The following NTNG1 variants were observed in gnomAD, a reference collection of about 807,000 sequenced individuals.
NTNG1 encodes netrin G1.
In NTNG1, 16 loss-of-function variants were observed where a neutral mutation model predicts 54.0. The observed-to-expected ratio is 0.30, with a 90% confidence interval of 0.20 to 0.45. The LOEUF is 0.45. Among genes scored for constraint, NTNG1 ranks in the 20% least tolerant of loss-of-function variants. The probability of loss-of-function intolerance (pLI) is 1.00; values close to 1 mark genes in which losing one functional copy is unlikely to be tolerated. For synonymous variants in NTNG1, 255 were observed against 263.1 expected, an observed-to-expected ratio of 0.97 and a Z score of 0.30; for missense variants, 530 against 678.7, an observed-to-expected ratio of 0.78 and a Z score of 2.43.
At chr1:107,447,168 T>G (rs927906177) in intron 7 of NTNG1, among the ~76,000 whole-genome samples, 1 of 152,134 alleles carries the variant, frequency 6.6e-6, no homozygotes, top group Non-Finnish European at 1.5e-5. Context: ...TTGATTTTAT[T>G]TTTAAGACAT....
chr1:107,280,711 A>G (rs1431050291), intron 2 of NTNG1, among the ~76,000 whole-genome samples: 21 of 151,642 alleles, frequency 1.4e-4, no homozygotes, highest in Admixed American at 1.4e-3. Context: ...CCCACCTGGC[A>G]GGGAAACCTG....
At chr1:107,168,651 G>T (rs1468485925) in intron 2 of NTNG1, among the ~76,000 whole-genome samples, 1 of 151,962 alleles carries the variant, frequency 6.6e-6, no homozygotes, top group Non-Finnish European at 1.5e-5. Flanking sequence ...ATAAACATAG[G>T]AATAAGCACA....
intron 2 of NTNG1, among the ~76,000 whole-genome samples, chr1:107,152,667 C>T (rs1654668677): frequency 6.6e-6 from 1 of 152,074 alleles, no homozygotes; most frequent in African/African-American, 2.4e-5. Flanking sequence ...ATTTCAGAGC[C>T]AATCAAAACT....
chr1:107,451,403 T>G (rs1676619941), intron 7 of NTNG1, among the ~76,000 whole-genome samples: 1 of 152,078 alleles, frequency 6.6e-6, no homozygotes, highest in African/African-American at 2.4e-5. Flanking sequence ...GATGAGTTAA[T>G]ACTTCTGCAG....
At position 107,401,610 on chromosome 1, in the gene NTNG1, C is replaced by T. The variant is rs6693425; in HGVS notation, c.1061-6072C>T. Among the ~76,000 whole-genome samples the T allele has an allele frequency of 1.6e-3, 243 of 151,854 alleles. 1 individual carries two copies. Among genetic ancestry groups the T allele is most frequent in the African/African-American group, 5.6e-3 (232 of 41,412 alleles). The stretch of plus-strand genomic sequence containing the variant: ...TAATACCCTCACACAAGTTTCAGTA[C>T]AGTTTTGCCACCAAGTTAATTCAGA... On this transcript the variant is annotated intron_variant, in intron 4 of 7. Coordinates refer to ENST00000370068, the MANE Select transcript of NTNG1 (RefSeq NM_001113226.3).
chr1:107,232,983 G>A (rs972917249), intron 2 of NTNG1, among the ~76,000 whole-genome samples: 2 of 152,140 alleles, frequency 1.3e-5, no homozygotes, highest in African/African-American at 4.8e-5. Flanking sequence ...CCATTTTATG[G>A]ATAATAATGT....
Position 107,345,110 on chromosome 1 carries a change from C to T in NTNG1, c.887+20188C>T, listed in dbSNP as rs140846805. On this transcript the variant is annotated intron_variant, in intron 3 of 7. Coordinates refer to ENST00000370068, the MANE Select transcript of NTNG1 (RefSeq NM_001113226.3). ...TAATTCCAAGAGAGACTAGGGATCA[C>T]GTCGTCTTGTAGGTCTGACCATGAA... Among the ~76,000 whole-genome samples the T allele has an allele frequency of 9.3e-4, 142 of 152,234 alleles. No homozygotes were observed. The South Asian group carries it at 0.017, about 18-fold the overall frequency.
chr1:107,322,823 C>T (rs992936809), intron 2 of NTNG1, among the ~76,000 whole-genome samples: 6 of 151,998 alleles, frequency 3.9e-5, no homozygotes, highest in Non-Finnish European at 7.4e-5. Context: ...AATAATGTAC[C>T]TTCTCTTCTT....
rs1480025513 is a variant in NTNG1 at position 107,204,115 on chromosome 1, G to A, written c.246+55276G>A. 3.3e-5 allele frequency among the ~76,000 whole-genome samples: 5 copies of A among 151,788 alleles called. No homozygotes were observed. In the East Asian group the frequency reaches 9.7e-4, roughly 29 times the overall value. On this transcript the variant is annotated intron_variant, in intron 2 of 7. Transcript: ENST00000370068. ...GTTTTTATACTGAAGTTGTTACCAA[G>A]ATGTTTCTGTTTTGTTTTGTTTTGT... is the stretch of plus-strand genomic sequence containing the variant.
chr1:107,162,707 A>T (rs776306483), intron 2 of NTNG1, among the ~76,000 whole-genome samples: 6 of 152,172 alleles, frequency 3.9e-5, no homozygotes, highest in Admixed American at 6.5e-5. Context: ...GAATTAAAAG[A>T]TATACTCTGA....
At chr1:107,327,357 T>G (rs1368202700) in intron 3 of NTNG1, among the ~76,000 whole-genome samples, 1 of 152,102 alleles carries the variant, frequency 6.6e-6, no homozygotes, top group African/African-American at 2.4e-5. Flanking sequence ...ATGGAGCCAG[T>G]GAAAGGAAAT....
At chr1:107,384,022 G>C (rs1457890147) in intron 3 of NTNG1, among the ~76,000 whole-genome samples, 1 of 152,182 alleles carries the variant, frequency 6.6e-6, no homozygotes, top group Non-Finnish European at 1.5e-5. Context: ...AATCTGGATT[G>C]TAGTAATTAT....
chr1:107,211,021 G>A (rs528067632), intron 2 of NTNG1, among the ~76,000 whole-genome samples: 7 of 152,226 alleles, frequency 4.6e-5, no homozygotes, highest in Middle Eastern at 3.4e-3. Context: ...TGTCGTCTCT[G>A]AACGTGCACT....
In NTNG1 at chr1:107,316,188, C is replaced by T. The variant is rs1045008626; in HGVS notation, c.247-8094C>T. 5.3e-5 allele frequency among the ~76,000 whole-genome samples: 8 copies of T among 152,280 alleles called. No individual in the cohort carries two copies. The East Asian group carries it at 1.5e-3, about 29-fold the overall frequency. ...AGGTGATTCCAATGCACACCAGATGCTGTTATCATGAGAATAAAATATATT... is the reference window on the plus strand; with the variant it reads ...AGGTGATTCCAATGCACACCAGATGTTGTTATCATGAGAATAAAATATATT... On this transcript the variant is annotated intron_variant, in intron 2 of 7. Transcript: ENST00000370068.
At chr1:107,156,247 ATGC>A (rs1171800685) in intron 2 of NTNG1, among the ~76,000 whole-genome samples, 1 of 152,230 alleles carries the variant, frequency 6.6e-6, no homozygotes, top group African/African-American at 2.4e-5. Flanking sequence ...TGGGCAGCTT[ATGC>A]TGCTCTCAGA....
intron 7 of NTNG1, among the ~76,000 whole-genome samples, chr1:107,477,967 GA>G (rs1678439602): frequency 6.6e-6 from 1 of 152,202 alleles, no homozygotes; most frequent in Non-Finnish European, 1.5e-5. Flanking sequence ...CATAAGAGCA[GA>G]AATCATCCTT....
At chr1:107,398,700 A>G (rs971750018) in intron 4 of NTNG1, among the ~76,000 whole-genome samples, 13 of 152,140 alleles carry the variant, frequency 8.5e-5, no homozygotes, top group Non-Finnish European at 1.9e-4. Flanking sequence ...ATGCACATGT[A>G]TATCAAAATC....
At chr1:107,424,781 C>A (rs1301656158) in intron 5 of NTNG1, among the ~76,000 whole-genome samples, 1 of 152,082 alleles carries the variant, frequency 6.6e-6, no homozygotes, top group Non-Finnish European at 1.5e-5. Context: ...CAGTGGCACA[C>A]AATGGATGAC....
intron 2 of NTNG1, among the ~76,000 whole-genome samples, chr1:107,259,745 CTCTAGTA>C (rs1663174814): frequency 1.3e-5 from 2 of 152,200 alleles, no homozygotes; most frequent in South Asian, 4.1e-4. Context: ...AACTATTTCT[CTCTAGTA>C]TGTGAGATGT....
Sources: gnomAD v4.1 joint callset for allele counts (sites outside exome capture counted in the v4.1 genomes callset) on GRCh38, gnomAD v4.1.1 for gene constraint, MANE v1.5 for transcripts, NCBI Gene and HGNC (gene_info 2026-07-23, HGNC 2026-07-21) for gene names.